Variants in KIF23 observed in about 807,000 individuals in gnomAD.
The protein encoded by KIF23 is kinesin-like protein KIF23.
KIF23 carries 30 observed loss-of-function variants against 137.5 expected under a neutral mutation model. That is an observed-to-expected ratio of 0.22 (90% confidence interval 0.16 to 0.30). The LOEUF (loss-of-function observed/expected upper bound fraction) is 0.30. KIF23 is among the 10% of genes least tolerant of loss of function. The pLI is 1.00. For synonymous variants in KIF23, 367 were observed against 391.1 expected (o/e 0.94, Z 0.73); for missense variants, 920 against 1,194.3 (o/e 0.77, Z 3.38).
intron 11 of KIF23, among the ~76,000 whole-genome samples, chr15:69,431,538 C>T (rs1001224221): frequency 1.3e-5 from 2 of 151,906 alleles, no homozygotes; most frequent in East Asian, 3.9e-4. Context: ...GGCGTGAACC[C>T]GTGAAGCAGA....
In KIF23 at chr15:69,422,312, TGCCCCC is replaced by T; in HGVS notation, c.454-13_454-8del. 6.9e-7 allele frequency: 1 copy of T among 1,439,064 alleles called. No homozygotes were observed. Among genetic ancestry groups the T allele is most frequent in the African/African-American group, 1.4e-5 (1 of 69,858 alleles). The allele number at this position is 1,439,064 out of a possible 1,614,324, so 89.1% of individuals were successfully genotyped here. On this transcript the variant is annotated splice_polypyrimidine_tract_variant and splice_region_variant and intron_variant, in intron 5 of 23. Coordinates refer to ENST00000679126, the MANE Select transcript of KIF23 (RefSeq NM_001367805.3). ...AAACGTGGTGTGATTTTTTTTTTTT[TGCCCCC>T]ACTTCAGGTTTTCAAATCTAATGAT...
chr15:69,434,386 T>C (rs1017186345), intron 11 of KIF23: 3 of 301,676 alleles, frequency 9.9e-6, no homozygotes, highest in Admixed American at 4.3e-5. Flanking sequence ...TGGTTTCTTA[T>C]TAAAGGATTG....
chr15:69,436,730 C>G lies in KIF23; in HGVS notation c.1597+8C>G. On this transcript the variant is annotated splice_region_variant and intron_variant, in intron 15 of 23. Coordinates refer to ENST00000679126, the MANE Select transcript of KIF23 (RefSeq NM_001367805.3). ...ATGAGTTTAACAAACAATGTAAGGG[C>G]AAAACTATTTGAAATAATTTTATTT... 6.8e-7 allele frequency: 1 copy of G among 1,462,440 alleles called. No homozygotes were observed. The highest frequency in any genetic ancestry group is 9.2e-7 in the Non-Finnish European group (1 of 1,092,860). The allele number at this position is 1,462,440 out of a possible 1,614,324, so 90.6% of individuals were successfully genotyped here. A position where few individuals can be genotyped will look rare whatever the true frequency, so the allele number is the denominator to read the frequency against.
intron 11 of KIF23, among the ~76,000 whole-genome samples, chr15:69,429,974 A>G (rs2057313932): frequency 6.6e-6 from 1 of 152,094 alleles, no homozygotes; most frequent in Non-Finnish European, 1.5e-5. Flanking sequence ...CCCTGATCTC[A>G]CCACTGTACT....
chr15:69,414,698 C>G (rs1331563472), intron 1 of KIF23: 3 of 435,852 alleles, frequency 6.9e-6, no homozygotes, highest in Non-Finnish European at 7.8e-6. Context: ...CCCCGCCGCC[C>G]CGCCTGGGCC....
At chr15:69,440,542 T>C in intron 18 of KIF23, 55 bp downstream of exon 18, 9 of 1,448,774 alleles carry the variant, frequency 6.2e-6, no homozygotes, top group Non-Finnish European at 7.5e-6. Flanking sequence ...TTGTTCAGAT[T>C]AGATGACTAT....
At chr15:69,417,216 T>C (rs2056937928) in intron 2 of KIF23, among the ~76,000 whole-genome samples, 167 bp from the exon 3 acceptor site, 2 of 152,206 alleles carry the variant, frequency 1.3e-5, no homozygotes, top group Non-Finnish European at 2.9e-5. Flanking sequence ...ATACTTGTAT[T>C]TGTCAATCTC....
Position 69,414,402 on chromosome 15 carries a change from G to T in KIF23, c.-64G>T. 1 of 1,558,470 alleles carries T rather than the reference G, an allele frequency of 6.4e-7. No homozygotes were observed. Among genetic ancestry groups the T allele is most frequent in the Non-Finnish European group, 8.7e-7 (1 of 1,151,388 alleles). On this transcript the variant is annotated 5_prime_UTR_variant, in exon 1 of 24. Transcript: ENST00000679126. ...TCTAGTTCTTGCTGCCGGTCCTAAC[G>T]TCCCGCAGTCTTCGCCAGCCAGCCG...
rs553973260 is a variant in KIF23 at position 69,419,838 on chromosome 15, GTTTTAC to G, written c.211-1806_211-1801del. Reference sequence around the variant, plus strand: ...ATATAGTTAAACACTGATTTACTGAGTTTTACTTCTTTAAGTAAATTTCAAGTATGT... The same window carrying G: ...ATATAGTTAAACACTGATTTACTGAGTTCTTTAAGTAAATTTCAAGTATGT... On this transcript the variant is annotated intron_variant, in intron 3 of 23. Transcript: ENST00000679126. Among the ~76,000 whole-genome samples, 391 of 152,252 alleles carry G rather than the reference GTTTTAC, an allele frequency of 2.6e-3. 2 individuals carry two copies. Among genetic ancestry groups the G allele is most frequent in the African/African-American group, 7.1e-3 (293 of 41,528 alleles).
Position 69,422,397 on chromosome 15 carries a change from AAG to A in KIF23, c.529_530del (p.Glu177SerfsTer10), listed in dbSNP as rs762501332. 6.2e-7 allele frequency: 1 copy of A among 1,608,442 alleles called. No individual in the cohort carries two copies. Among genetic ancestry groups the A allele is most frequent in the Non-Finnish European group, 8.5e-7 (1 of 1,174,878 alleles). On this transcript the variant is annotated frameshift_variant, in exon 6 of 24. Coordinates refer to ENST00000679126, the MANE Select transcript of KIF23 (RefSeq NM_001367805.3). LOFTEE classifies it high-confidence loss of function. ...EVDALLERQK[R>X]EAMPNPKTSS... is the part of the protein sequence containing the mutation. ...TTGATGCCTTATTAGAACGTCAGAA[AAG>A]AGAAGCTATGCCCAATCCAAAGACT... is the stretch of plus-strand genomic sequence containing the variant.
rs541478969 is a variant in KIF23 at position 69,426,699 on chromosome 15, G to A, written c.1011+242G>A. 1.3e-4 allele frequency: 55 copies of A among 438,408 alleles called. No individual in the cohort carries two copies. The South Asian group carries it at 1.9e-3, about 15-fold the overall frequency. The allele number at this position is 438,408 out of a possible 1,614,324, so 27.2% of individuals were successfully genotyped here. ...CGCGCCACTGTAGTCCAGCCTGGGT[G>A]ACAGAGTGAGACCCTGTCTTGAAAA... On this transcript the variant is annotated intron_variant, in intron 10 of 23. Coordinates refer to ENST00000679126, the MANE Select transcript of KIF23 (RefSeq NM_001367805.3).
intron 2 of KIF23, 27 bp downstream of exon 2, chr15:69,416,090 TG>T (rs767365881): frequency 6.7e-7 from 1 of 1,486,020 alleles, no homozygotes; most frequent in Non-Finnish European, 9.1e-7. Flanking sequence ...AATTTATGTG[TG>T]GTGTTTAAGA....
intron 11 of KIF23, among the ~76,000 whole-genome samples, chr15:69,431,409 C>T (rs1367818115): frequency 6.6e-6 from 1 of 152,096 alleles, no homozygotes; most frequent in African/African-American, 2.4e-5. Context: ...GTCAGGGGAT[C>T]GAGACCATCC....
intron 13 of KIF23, 99 bp downstream of exon 13, chr15:69,435,870 TAGAG>T: frequency 1.4e-6 from 2 of 1,449,664 alleles, no homozygotes; most frequent in Non-Finnish European, 9.4e-7. Context: ...TAAAAATGGA[TAGAG>T]AACCATTGAT....
chr15:69,420,554 G>A (rs1482077410), intron 3 of KIF23, among the ~76,000 whole-genome samples: 1 of 152,096 alleles, frequency 6.6e-6, no homozygotes, highest in Non-Finnish European at 1.5e-5. Flanking sequence ...CTTTCTTAAA[G>A]GTCACAATTT....
At chr15:69,423,879 A>T (rs1404512395) in intron 7 of KIF23, among the ~76,000 whole-genome samples, 1 of 152,206 alleles carries the variant, frequency 6.6e-6, no homozygotes, top group East Asian at 1.9e-4. Context: ...ACTGGTTACC[A>T]CTTGGCATCA....
rs1396345682 is a variant in KIF23 at position 69,425,342 on chromosome 15, T to A, written c.776+19T>A. On this transcript the variant is annotated intron_variant, in intron 8 of 23. Coordinates refer to ENST00000679126, the MANE Select transcript of KIF23 (RefSeq NM_001367805.3). ...ATTTTGTGTATGTGATGGTGTTGGC[T>A]CTTTTCTTAAGGAGAAGGGTGCAGT... The A allele has an allele frequency of 6.5e-7, 1 of 1,533,628 alleles. No individual in the cohort carries two copies. The highest frequency in any genetic ancestry group is 8.7e-7 in the Non-Finnish European group (1 of 1,144,718).
At chr15:69,421,939 C>A in intron 4 of KIF23, 53 bp from the exon 5 acceptor site, 1 of 1,593,158 alleles carries the variant, frequency 6.3e-7, no homozygotes, top group Admixed American at 1.7e-5. Context: ...TGAAGAAATA[C>A]TCTAAGTGGA....
intron 13 of KIF23, 71 bp downstream of exon 13, chr15:69,435,842 A>C (rs993618617): frequency 1.9e-6 from 3 of 1,550,736 alleles, no homozygotes; most frequent in Non-Finnish European, 2.6e-6. Flanking sequence ...GATGAGCAGA[A>C]TGACATTTTG....
Sources: gnomAD v4.1 joint callset for allele counts (sites outside exome capture counted in the v4.1 genomes callset) on GRCh38, gnomAD v4.1.1 for gene constraint, MANE v1.5 for transcripts, NCBI Gene and HGNC (gene_info 2026-07-23, HGNC 2026-07-21) for gene names.